The following SLIT3 variants were observed in gnomAD, a reference collection of about 807,000 sequenced individuals.
SLIT3 encodes the protein slit guidance ligand 3.
Under a neutral mutation model 184.0 loss-of-function variants are expected in SLIT3, and 68 were observed. That is an observed-to-expected ratio of 0.37 (90% confidence interval 0.30 to 0.45). The LOEUF (loss-of-function observed/expected upper bound fraction) is 0.45, where lower values mean the gene tolerates loss of function less well. Ranked by LOEUF, SLIT3 falls within the 20% of genes least tolerant of loss-of-function variation. The pLI is 1.00. For missense variants in SLIT3, 1,707 were observed against 2,026.0 expected, an observed-to-expected ratio of 0.84 and a Z score of 3.02; for synonymous variants, 831 against 828.6, an observed-to-expected ratio of 1.00 and a Z score of -0.05.
intron 3 of SLIT3, among the ~76,000 whole-genome samples, chr5:169,223,958 C>CAA (rs1764704460): frequency 6.6e-6 from 1 of 152,102 alleles, no homozygotes; most frequent in African/African-American, 2.4e-5. Context: ...AGGCTGTGTA[C>CAA]AAGGTACACA....
chr5:168,819,587 C>T (rs971437494), intron 7 of SLIT3, among the ~76,000 whole-genome samples: 1 of 152,150 alleles, frequency 6.6e-6, no homozygotes, highest in Non-Finnish European at 1.5e-5. Context: ...GTGCATGTGG[C>T]GGATCACAGA....
In SLIT3 at chr5:168,752,990, A is replaced by G; in HGVS notation, c.1938T>C (p.Pro646=). 1 of 1,614,078 alleles carries G rather than the reference A, an allele frequency of 6.2e-7. No individual in the cohort carries two copies. Among genetic ancestry groups the G allele is most frequent in the Non-Finnish European group, 8.5e-7 (1 of 1,180,014 alleles). Residue 646 remains proline, a synonymous_variant, in exon 18 of 36, where the codon CCT becomes CCC. Transcript: ENST00000519560. ...GGGAGACAAGCGTGGTGAAGGCCCC[A>G]GGGGTGATGGTGGTGATCCGATTGT... The part of the protein sequence containing the change: ...LYDNRITTIT[P]GAFTTLVSLS...
At chr5:169,203,518 AT>A (rs1763970263) in intron 3 of SLIT3, among the ~76,000 whole-genome samples, 1 of 152,190 alleles carries the variant, frequency 6.6e-6, no homozygotes, top group Non-Finnish European at 1.5e-5. Flanking sequence ...TCCCCATGAC[AT>A]CTCACAATGC....
At chr5:168,919,153 G>A (rs758476402) in intron 4 of SLIT3, among the ~76,000 whole-genome samples, 5 of 151,672 alleles carry the variant, frequency 3.3e-5, no homozygotes, top group Non-Finnish European at 7.4e-5. Flanking sequence ...CCAGCTACTC[G>A]AGAGGCTGAG....
chr5:169,290,476 C>A (rs1338496501), intron 1 of SLIT3, among the ~76,000 whole-genome samples: 1 of 150,130 alleles, frequency 6.7e-6, no homozygotes, highest in Admixed American at 6.6e-5. Flanking sequence ...CACGCTAGGA[C>A]ATACACTGGG....
rs561133030 is a variant in SLIT3 at position 168,888,349 on chromosome 5, T to C, written c.414-5013A>G. Among the ~76,000 whole-genome samples, 5 of 152,258 alleles carry C rather than the reference T, an allele frequency of 3.3e-5. No individual in the cohort carries two copies. The South Asian group carries it at 6.2e-4, about 19-fold the overall frequency. ...TGCCCTCCATGAATGCTGGGTATGG[T>C]GACTCCAGCAACCCAAGGACAGATT... On this transcript the variant is annotated intron_variant, in intron 4 of 35. Coordinates refer to ENST00000519560, the MANE Select transcript of SLIT3 (RefSeq NM_003062.4).
intron 11 of SLIT3, among the ~76,000 whole-genome samples, chr5:168,786,622 AC>A (rs34989258): frequency 0.088 from 13,359 of 150,984 alleles, 827 homozygotes; most frequent in Non-Finnish European, 0.13. Flanking sequence ...GAACCCTTTT[AC>A]CCCTTTCTCT....
chr5:169,092,019 C>T (rs778258734), intron 4 of SLIT3, among the ~76,000 whole-genome samples: 4 of 152,060 alleles, frequency 2.6e-5, no homozygotes, highest in Admixed American at 6.5e-5. Context: ...GTTGGAAGTT[C>T]GAGACCAGCC....
intron 4 of SLIT3, among the ~76,000 whole-genome samples, chr5:169,184,451 G>C (rs1385319413): frequency 6.6e-6 from 1 of 152,218 alleles, no homozygotes; most frequent in Non-Finnish European, 1.5e-5. Context: ...GACTGAAGGA[G>C]TTGGCATCAA....
chr5:168,669,834 C>G lies in SLIT3; in HGVS notation c.4285G>C (p.Glu1429Gln). The change falls in exon 35 of 36, where the codon GAG becomes CAG. Residue 1429 changes from glutamate to glutamine, a missense_variant. Coordinates refer to ENST00000519560, the MANE Select transcript of SLIT3 (RefSeq NM_003062.4). The stretch of plus-strand genomic sequence containing the variant: ...CCGGGCTGGCACAGGCAGTAGGGCT[C>G]CCCTTGGTCTGAGATGTGGCACTGC... ...HGQCHISDQG[E>Q]PYCLCQPGFS... 1 of 1,614,142 alleles carries G rather than the reference C, an allele frequency of 6.2e-7. No individual in the cohort carries two copies. Among genetic ancestry groups the G allele is most frequent in the Non-Finnish European group, 8.5e-7 (1 of 1,180,036 alleles).
intron 32 of SLIT3, among the ~76,000 whole-genome samples, chr5:168,675,640 G>C (rs987664573): frequency 7.9e-5 from 12 of 152,168 alleles, no homozygotes; most frequent in African/African-American, 2.7e-4. Context: ...GTTGAGGCAG[G>C]AAGACCACTT....
At chr5:168,970,343 A>G (rs1375422415) in intron 4 of SLIT3, among the ~76,000 whole-genome samples, 1 of 151,646 alleles carries the variant, frequency 6.6e-6, no homozygotes, top group African/African-American at 2.4e-5. Flanking sequence ...TAAAAATACA[A>G]AAATAGCCAA....
intron 4 of SLIT3, among the ~76,000 whole-genome samples, chr5:169,159,412 G>A (rs1762403365): frequency 6.6e-6 from 1 of 151,988 alleles, no homozygotes; most frequent in Admixed American, 6.6e-5. Flanking sequence ...GGCAACAAGA[G>A]CGAAACTCCA....
intron 4 of SLIT3, among the ~76,000 whole-genome samples, chr5:169,059,636 GTT>G (rs1472709341): frequency 6.6e-6 from 1 of 152,142 alleles, no homozygotes; most frequent in African/African-American, 2.4e-5. Context: ...TTTTAAAATG[GTT>G]GCCAACATTT....
In SLIT3 at chr5:168,666,172, C is replaced by A; in HGVS notation, c.*282G>T. Reference sequence around the variant, plus strand: ...TTTTAAACAGCTATTTTTAAAAACACAACAAATACACAACACAAAACTTGG... The same window carrying A: ...TTTTAAACAGCTATTTTTAAAAACAAAACAAATACACAACACAAAACTTGG... On this transcript the variant is annotated 3_prime_UTR_variant, in exon 36 of 36. Coordinates refer to ENST00000519560, the MANE Select transcript of SLIT3 (RefSeq NM_003062.4). 3.7e-6 allele frequency: 1 copy of A among 271,364 alleles called. No homozygotes were observed. Among genetic ancestry groups the A allele is most frequent in the Non-Finnish European group, 6.8e-6 (1 of 148,086 alleles). 16.8% of individuals were successfully genotyped at this position (271,364 alleles called of 1,614,324 possible).
At chr5:169,179,801 G>A (rs1173814016) in intron 4 of SLIT3, among the ~76,000 whole-genome samples, 2 of 152,162 alleles carry the variant, frequency 1.3e-5, no homozygotes, top group African/African-American at 4.8e-5. Flanking sequence ...ACCATATAGT[G>A]AGAGGGAATA....
At chr5:169,249,758 G>A (rs960882094) in intron 2 of SLIT3, among the ~76,000 whole-genome samples, 4 of 152,208 alleles carry the variant, frequency 2.6e-5, no homozygotes, top group African/African-American at 7.2e-5. Context: ...TCTGATCCAC[G>A]CACACCTTGT....
chr5:168,858,585 AGCGTTGGGCTTAC>A (rs1184806077), intron 5 of SLIT3, among the ~76,000 whole-genome samples: 2 of 152,212 alleles, frequency 1.3e-5, no homozygotes, highest in Non-Finnish European at 2.9e-5. Flanking sequence ...CCCCTGCAGC[AGCGTTGGGCTTAC>A]GCGTTGGGCT....
rs531344892 is a variant in SLIT3, at chr5:169,180,334, T to C, written c.413+13145A>G. ...ATGGCACTAGGACAAGTACCAGGGG[T>C]CAGATGATGTAGTGCAGGAGCTTAG... On this transcript the variant is annotated intron_variant, in intron 4 of 35. Coordinates refer to ENST00000519560, the MANE Select transcript of SLIT3 (RefSeq NM_003062.4). Among the ~76,000 whole-genome samples, 173 of 152,036 alleles carry C rather than the reference T, an allele frequency of 1.1e-3. 1 individual carries two copies. Among genetic ancestry groups the C allele is most frequent in the African/African-American group, 4.1e-3 (168 of 41,470 alleles).
Sources: allele counts gnomAD v4.1 joint callset (sites outside exome capture counted in the v4.1 genomes callset), GRCh38; gene constraint gnomAD v4.1.1; transcripts MANE v1.5; gene names NCBI Gene and HGNC (gene_info 2026-07-23, HGNC 2026-07-21).